The following SEMA3F variants were observed in gnomAD, a reference collection of about 807,000 sequenced individuals.
The protein encoded by SEMA3F is semaphorin-3F.
A neutral mutation model predicts 98.5 loss-of-function variants in SEMA3F; 30 were observed. The observed-to-expected ratio is 0.30, with a 90% CI of 0.23 to 0.41. SEMA3F has a LOEUF of 0.41. Ranked by LOEUF, SEMA3F falls within the 10% of genes least tolerant of loss-of-function variation. The pLI is 1.00. For synonymous variants in SEMA3F, 380 were observed against 444.8 expected (o/e 0.85, Z 1.83); for missense variants, 866 against 1,119.3 (o/e 0.77, Z 3.23).
intron 6 of SEMA3F, among the ~76,000 whole-genome samples, chr3:50,175,503 G>T (rs1434878143): frequency 6.6e-6 from 1 of 152,238 alleles, no homozygotes; most frequent in African/African-American, 2.4e-5. Context: ...CACCGGTGTG[G>T]ATGTGGGCCT....
intron 5 of SEMA3F, 78 bp downstream of exon 5, chr3:50,174,428 C>T (rs1429943614): frequency 6.7e-7 from 1 of 1,494,722 alleles, no homozygotes; most frequent in Non-Finnish European, 9.0e-7. Context: ...GGAGGGGCTT[C>T]AGCCCCAGCC....
rs1272903691 is a variant in SEMA3F, at chr3:50,188,971, G to A, written c.*856G>A. On this transcript the variant is annotated 3_prime_UTR_variant, in exon 19 of 19. Coordinates refer to ENST00000002829, the MANE Select transcript of SEMA3F (RefSeq NM_004186.5). The surrounding 1 kb of genome is among the most constrained non-coding windows in gnomAD (Gnocchi z 4.5). The stretch of plus-strand genomic sequence containing the variant: ...GGGTGTGGATGTAATTAGCTCTGGG[G>A]GGCAGTTGGGTAGATGGGTGGGGGC... 2.6e-5 allele frequency: 4 copies of A among 152,276 alleles called. No individual in the cohort carries two copies. The highest frequency in any genetic ancestry group is 4.4e-5 in the Non-Finnish European group (3 of 68,086). 9.4% of individuals were successfully genotyped at this position (152,276 alleles called of 1,614,324 possible).
intron 2 of SEMA3F, among the ~76,000 whole-genome samples, chr3:50,161,563 GGGCCACCCATCCCA>G (rs1185800473): frequency 6.6e-6 from 1 of 152,210 alleles, no homozygotes; most frequent in Non-Finnish European, 1.5e-5. Context: ...AGCGCACCTG[GGGCCACCCATCCCA>G]GGGCTCCTGT....
At chr3:50,167,430 A>G (rs1027767939) in intron 2 of SEMA3F, among the ~76,000 whole-genome samples, 1 of 152,126 alleles carries the variant, frequency 6.6e-6, no homozygotes, top group Non-Finnish European at 1.5e-5. Flanking sequence ...CTGCTCCGTC[A>G]CTTCTGGCTT....
intron 5 of SEMA3F, among the ~76,000 whole-genome samples, 177 bp downstream of exon 5, chr3:50,174,527 G>A (rs1400594733): frequency 2.0e-5 from 3 of 152,256 alleles, no homozygotes; most frequent in African/African-American, 4.8e-5. Context: ...GGGGCTAACC[G>A]CTGCCTTTCT....
intron 5 of SEMA3F, 40 bp from the exon 6 acceptor site, chr3:50,175,056 T>G: frequency 6.1e-6 from 5 of 817,458 alleles, no homozygotes; most frequent in Non-Finnish European, 9.8e-6. Context: ...CCCCAGCCCC[T>G]GCCACCCCCA....
chr3:50,173,690 G>T, intron 2 of SEMA3F, 103 bp from the exon 3 acceptor site: 5 of 923,644 alleles, frequency 5.4e-6, no homozygotes, highest in South Asian at 1.5e-5. Context: ...TGTGGTGGGG[G>T]TCCTGAGGGG....
intron 7 of SEMA3F, among the ~76,000 whole-genome samples, chr3:50,181,169 C>T (rs190116541): frequency 4.6e-5 from 7 of 152,052 alleles, no homozygotes; most frequent in Non-Finnish European, 8.8e-5. Flanking sequence ...TTGCTTGACA[C>T]AGGGTTGCCA....
At chr3:50,177,471 AAC>A (rs568449141) in intron 7 of SEMA3F, among the ~76,000 whole-genome samples, 1 of 152,230 alleles carries the variant, frequency 6.6e-6, no homozygotes, top group African/African-American at 2.4e-5. Context: ...CTGATTGTTC[AAC>A]ACAGTCTGCC....
At position 50,183,454 on chromosome 3, in the gene SEMA3F, T is replaced by C. The variant is rs1699093353; in HGVS notation, c.1123T>C (p.Ser375Pro). 1.9e-6 allele frequency: 3 copies of C among 1,614,122 alleles called. No homozygotes were observed. The East Asian group carries it at 6.7e-5, about 36-fold the overall frequency. ...VFRGSAVCVY[S>P]MADIRMVFNG... ...CCGAGGCTCTGCCGTGTGTGTCTAC[T>C]CCATGGCTGATATTCGCATGGTCTT... is the stretch of plus-strand genomic sequence containing the variant. The change falls in exon 12 of 19, where the codon TCC becomes CCC. Residue 375 changes from serine to proline, a missense_variant. Transcript: ENST00000002829.
Position 50,182,326 on chromosome 3 carries a change from C to T in SEMA3F, c.686C>T (p.Thr229Ile), listed in dbSNP as rs537327064. 6.2e-7 allele frequency: 1 copy of T among 1,614,128 alleles called. No homozygotes were observed. The highest frequency in any genetic ancestry group is 1.3e-5 in the African/African-American group (1 of 75,054). ...YAGVYIDFMG[T>I]DAAIFRTLGK... ...GGTGTGTACATCGATTTTATGGGCA[C>T]TGATGCAGCCATCTTCCGCACACTT... Residue 229 changes from threonine (T) to isoleucine (I), a missense_variant, in exon 8 of 19, where the codon ACT (threonine) becomes ATT (isoleucine). Coordinates refer to ENST00000002829, the MANE Select transcript of SEMA3F (RefSeq NM_004186.5). This position sits in a 1 kb window ranked among gnomAD's most constrained non-coding sequence, Gnocchi z 4.5.
At chr3:50,170,829 C>T (rs552055223) in intron 2 of SEMA3F, among the ~76,000 whole-genome samples, 27 of 152,028 alleles carry the variant, frequency 1.8e-4, no homozygotes, top group Non-Finnish European at 3.8e-4. Context: ...GTGACCAAAG[C>T]GTCACGTCCT....
At chr3:50,175,073 A>G (rs779195667) in intron 5 of SEMA3F, 23 bp from the exon 6 acceptor site, 27 of 1,572,422 alleles carry the variant, frequency 1.7e-5, no homozygotes, top group Non-Finnish European at 8.7e-7. Context: ...CCCAGCTCTA[A>G]CCCCTGTTCC....
In SEMA3F at chr3:50,182,900, C is replaced by G. The variant is rs377522570; in HGVS notation, c.904-4C>G. 8.4e-5 allele frequency: 135 copies of G among 1,613,740 alleles called. No homozygotes were observed. The African/African-American group carries it at 9.3e-4, about 11-fold the overall frequency. Reference sequence around the variant, plus strand: ...CTGACCCGGCCTCTTGCCCCACCCCCCAGAACGATGACGGTGGTCACTGTT... The same window carrying G: ...CTGACCCGGCCTCTTGCCCCACCCCGCAGAACGATGACGGTGGTCACTGTT... On this transcript the variant is annotated splice_polypyrimidine_tract_variant and splice_region_variant and intron_variant, in intron 9 of 18. Transcript: ENST00000002829. The surrounding 1 kb of genome is among the most constrained non-coding windows in gnomAD (Gnocchi z 4.5).
intron 2 of SEMA3F, 99 bp from the exon 3 acceptor site, chr3:50,173,694 T>C: frequency 9.7e-7 from 1 of 1,027,066 alleles, no homozygotes; most frequent in Non-Finnish European, 1.5e-6. Context: ...GTGGGGGTCC[T>C]GAGGGGAACC....
At position 50,182,060 on chromosome 3, in the gene SEMA3F, T is replaced by C. The variant is rs1351698609; in HGVS notation, c.644-224T>C. Among the ~76,000 whole-genome samples the C allele has an allele frequency of 5.9e-5, 9 of 152,242 alleles. No individual in the cohort carries two copies. Among genetic ancestry groups the C allele is most frequent in the South Asian group, 2.1e-4 (1 of 4,830 alleles). ...TTGAAATTAGTTGTGGCAGGAGTAT[T>C]CACACCACAGAAATGGGCTATTGCT... On this transcript the variant is annotated intron_variant, in intron 7 of 18. Coordinates refer to ENST00000002829, the MANE Select transcript of SEMA3F (RefSeq NM_004186.5). This position sits in a 1 kb window ranked among gnomAD's most constrained non-coding sequence, Gnocchi z 4.5.
chr3:50,179,693 A>C (rs953350074), intron 7 of SEMA3F, among the ~76,000 whole-genome samples: 4 of 152,178 alleles, frequency 2.6e-5, no homozygotes, highest in Non-Finnish European at 5.9e-5. Flanking sequence ...ATCTTATCTA[A>C]ATCTTCTGGA....
intron 7 of SEMA3F, among the ~76,000 whole-genome samples, chr3:50,179,285 C>T (rs1698935265): frequency 6.6e-6 from 1 of 151,912 alleles, no homozygotes; most frequent in African/African-American, 2.4e-5. Flanking sequence ...CCGTGAAAAT[C>T]CTAGATGGCA....
chr3:50,187,791 C>T lies in SEMA3F; in HGVS notation c.2034C>T (p.Cys678=), dbSNP rs1298396620. 1 of 1,613,480 alleles carries T rather than the reference C, an allele frequency of 6.2e-7. No individual in the cohort carries two copies. Among genetic ancestry groups the T allele is most frequent in the South Asian group, 1.1e-5 (1 of 91,084 alleles). Reference sequence around the variant, plus strand: ...TCAGCGATCGTGGCCTCTACTCCTGCACAGCCACTGAGAACAACTTTAAGC... The same window carrying T: ...TCAGCGATCGTGGCCTCTACTCCTGTACAGCCACTGAGAACAACTTTAAGC... The part of the protein sequence containing the change: ...LQLSDRGLYS[C]TATENNFKHV... Residue 678 remains cysteine (C), a synonymous_variant, in exon 19 of 19, where the codon TGC becomes TGT. Transcript: ENST00000002829.
Sources: gnomAD v4.1 joint callset for allele counts (sites outside exome capture counted in the v4.1 genomes callset) on GRCh38, gnomAD v4.1.1 for gene constraint, Gnocchi (gnomAD v3.1) non-coding constraint, MANE v1.5 for transcripts, NCBI Gene and HGNC (gene_info 2026-07-23, HGNC 2026-07-21) for gene names.